Variants in MAPK8IP3 observed in about 807,000 individuals in gnomAD.
MAPK8IP3 encodes the protein C-Jun-amino-terminal kinase-interacting protein 3.
Under a neutral mutation model 157.8 loss-of-function variants are expected in MAPK8IP3, and 49 were observed. The observed-to-expected ratio is 0.31, with a 90% CI of 0.25 to 0.39. The LOEUF (loss-of-function observed/expected upper bound fraction) is 0.39, where lower values mean the gene tolerates loss of function less well. Ranked by LOEUF, MAPK8IP3 falls within the 10% of genes least tolerant of loss-of-function variation. The pLI is 1.00. For missense variants in MAPK8IP3, 1,478 were observed against 1,889.4 expected (o/e 0.78, Z 4.04); for synonymous variants, 897 against 777.7 (o/e 1.15, Z -2.55).
rs764707061 is a variant in MAPK8IP3 at position 1,706,384 on chromosome 16, C to T, written c.45C>T (p.Tyr15=). 9.3e-6 allele frequency: 15 copies of T among 1,611,744 alleles called. No homozygotes were observed. In the East Asian group the frequency reaches 1.8e-4, roughly 19 times the overall value. Reference sequence around the variant, plus strand: ...ACGAGGGCGGCGGCGTGGTGGTGTACCAGGACGACTACTGCTCCGGCTCGG... The same window carrying T: ...ACGAGGGCGGCGGCGTGGTGGTGTATCAGGACGACTACTGCTCCGGCTCGG... ...QMDEGGGVVV[Y]QDDYCSGSVM... is the part of the protein sequence containing the mutation. Residue 15 remains tyrosine (Y), a synonymous_variant, in exon 1 of 32, where the codon TAC becomes TAT. Transcript: ENST00000610761. This position sits in a 1 kb window ranked among gnomAD's most constrained non-coding sequence, Gnocchi z 5.1.
chr16:1,767,458 G>C, intron 26 of MAPK8IP3, 106 bp from the exon 27 acceptor site: 1 of 1,505,614 alleles, frequency 6.6e-7, no homozygotes, highest in Non-Finnish European at 9.0e-7. Context: ...GCGCTGGCTG[G>C]GAGGTCTGAG....
chr16:1,714,315 A>G (rs993347607), intron 1 of MAPK8IP3: 1 of 146,260 alleles, frequency 6.8e-6, no homozygotes, highest in Non-Finnish European at 1.5e-5. Flanking sequence ...AGTGAAACCC[A>G]GAGACTAGAA....
At position 1,766,641 on chromosome 16, in the gene MAPK8IP3, A is replaced by AC; in HGVS notation, c.2932_2933insC (p.Asn978ThrfsTer52). ...ACCCACCATGTGGCTGGGAGCCCAG[A>AC]ACGGCTGGTAGGAAGGGCCCGGGGC... On this transcript the variant is annotated frameshift_variant, in exon 23 of 32. Transcript: ENST00000610761. LOFTEE classifies it high-confidence loss of function. 1 of 1,612,316 alleles carries AC rather than the reference A, an allele frequency of 6.2e-7. No individual in the cohort carries two copies. The highest frequency in any genetic ancestry group is 8.5e-7 in the Non-Finnish European group (1 of 1,179,800).
At chr16:1,727,057 ATGAG>A (rs1301134927) in intron 2 of MAPK8IP3, among the ~76,000 whole-genome samples, 1 of 125,396 alleles carries the variant, frequency 8.0e-6, no homozygotes, top group Non-Finnish European at 1.7e-5. Context: ...TGTGCTGTGT[ATGAG>A]TGTTGTGTGC....
In MAPK8IP3 at chr16:1,762,565, C is replaced by T. The variant is rs1333647638; in HGVS notation, c.1670+84C>T. 22 of 1,579,404 alleles carry T rather than the reference C, an allele frequency of 1.4e-5. No homozygotes were observed. The East Asian group carries it at 2.9e-4, about 21-fold the overall frequency. On this transcript the variant is annotated intron_variant, in intron 14 of 31. Transcript: ENST00000610761. ...GGCTCCCTCCTCTGCACCTCCCTGT[C>T]TTCTGGGGGGACTGAAGTGCGCTGG... is the stretch of plus-strand genomic sequence containing the variant.
chr16:1,733,124 G>A (rs1203015878), intron 4 of MAPK8IP3, among the ~76,000 whole-genome samples: 2 of 152,204 alleles, frequency 1.3e-5, no homozygotes, highest in Non-Finnish European at 2.9e-5. Flanking sequence ...GCTGGGGGCA[G>A]AGGCAGGCAG....
rs2042394983 is a variant in MAPK8IP3, at chr16:1,768,248, C to T, written c.3612C>T (p.Ile1204=). 3.1e-6 allele frequency: 5 copies of T among 1,612,316 alleles called. No homozygotes were observed. Among genetic ancestry groups the T allele is most frequent in the African/African-American group, 1.3e-5 (1 of 74,938 alleles). The change falls in exon 30 of 32, where the codon ATC becomes ATT. Residue 1204 remains isoleucine (I), a synonymous_variant. Coordinates refer to ENST00000610761, the MANE Select transcript of MAPK8IP3 (RefSeq NM_001318852.2). ...GGGAGGGCGCCCGTCCCGGGGGCAT[C>T]ATCCACGTGTATGGCGATGACAGCA... is the stretch of plus-strand genomic sequence containing the variant. The part of the protein sequence containing the change: ...TSGEGARPGG[I]IHVYGDDSSD...
intron 1 of MAPK8IP3, among the ~76,000 whole-genome samples, chr16:1,712,222 C>T (rs545937344): frequency 4.0e-5 from 6 of 151,748 alleles, no homozygotes; most frequent in Non-Finnish European, 5.9e-5. Context: ...CCAACACGCC[C>T]GGCTAATTTT....
Position 1,743,749 on chromosome 16 carries a change from G to T in MAPK8IP3, c.747+273G>T, listed in dbSNP as rs1325404317. The T allele has an allele frequency of 3.7e-6, 5 of 1,341,122 alleles. No homozygotes were observed. The African/African-American group carries it at 6.1e-5, about 16-fold the overall frequency. 83.1% of individuals were successfully genotyped at this position (1,341,122 alleles called of 1,614,324 possible). On this transcript the variant is annotated intron_variant, in intron 5 of 31. Coordinates refer to ENST00000610761, the MANE Select transcript of MAPK8IP3 (RefSeq NM_001318852.2). The surrounding 1 kb of genome is among the most constrained non-coding windows in gnomAD (Gnocchi z 5.6). ...TCCCTGCCCTTGGATAGACCGCTCT[G>T]TAGCCAGGGGTGTACAGTGCCTGTC...
At chr16:1,734,688 T>G (rs1172110773) in intron 4 of MAPK8IP3, among the ~76,000 whole-genome samples, 1 of 152,210 alleles carries the variant, frequency 6.6e-6, no homozygotes. Context: ...GGACACCTGC[T>G]CTCTCTTCTC....
At chr16:1,758,566 G>C (rs115881810) in intron 9 of MAPK8IP3, among the ~76,000 whole-genome samples, 2 of 152,118 alleles carry the variant, frequency 1.3e-5, no homozygotes, top group Non-Finnish European at 2.9e-5. Context: ...TGGACAGGCC[G>C]AGTCCTGCTC....
chr16:1,735,730 T>C (rs1347616339), intron 4 of MAPK8IP3, among the ~76,000 whole-genome samples: 13 of 128,644 alleles, frequency 1.0e-4, no homozygotes, highest in African/African-American at 3.4e-4. Flanking sequence ...TGACCGTCCA[T>C]GTGAGAGTGT....
At chr16:1,761,140 G>A (rs2141921535) in intron 12 of MAPK8IP3, 84 bp from the exon 13 acceptor site, 12 of 1,081,846 alleles carry the variant, frequency 1.1e-5, no homozygotes, top group Non-Finnish European at 1.7e-5. Context: ...CAAGGACACA[G>A]GTTCGGGGCG....
At position 1,768,700 on chromosome 16, in the gene MAPK8IP3, C is replaced by A; in HGVS notation, c.3893-3C>A. 6.2e-7 allele frequency: 1 copy of A among 1,612,022 alleles called. No individual in the cohort carries two copies. Among genetic ancestry groups the A allele is most frequent in the Non-Finnish European group, 8.5e-7 (1 of 1,179,402 alleles). On this transcript the variant is annotated splice_polypyrimidine_tract_variant and splice_region_variant and intron_variant, in intron 31 of 31. Coordinates refer to ENST00000610761, the MANE Select transcript of MAPK8IP3 (RefSeq NM_001318852.2). ...GGCCGTCACTCTGCTGCTTTGCCCGCAGGAGACGGAGAGGACGACGAGACG... is the reference window on the plus strand; with the variant it reads ...GGCCGTCACTCTGCTGCTTTGCCCGAAGGAGACGGAGAGGACGACGAGACG...
chr16:1,729,425 G>A (rs185099165), intron 3 of MAPK8IP3, 62 bp from the exon 4 acceptor site: 4 of 1,497,218 alleles, frequency 2.7e-6, no homozygotes, highest in Non-Finnish European at 3.7e-6. Context: ...AGCCTCACAG[G>A]TTAGAGGGGA....
At chr16:1,750,890 C>G (rs977042206) in intron 8 of MAPK8IP3, among the ~76,000 whole-genome samples, 2 of 152,050 alleles carry the variant, frequency 1.3e-5, no homozygotes, top group South Asian at 4.1e-4. Context: ...GTGATCCACC[C>G]GCCTCGGCCT....
chr16:1,711,815 C>T (rs1223537461), intron 1 of MAPK8IP3, among the ~76,000 whole-genome samples: 1 of 151,838 alleles, frequency 6.6e-6, no homozygotes, highest in Non-Finnish European at 1.5e-5. Context: ...TGATGCACAC[C>T]TGTACTCCCA....
rs756737397 is a variant in MAPK8IP3, at chr16:1,768,725, G to A, written c.3915G>A (p.Thr1305=). Residue 1305 remains threonine (T), a synonymous_variant, in exon 32 of 32, where the codon ACG becomes ACA. Coordinates refer to ENST00000610761, the MANE Select transcript of MAPK8IP3 (RefSeq NM_001318852.2). ...FRIGDGEDDE[T]EEGAGDMSQV... ...CAGGAGACGGAGAGGACGACGAGAC[G>A]GAGGAGGGCGCAGGGGACATGAGCC... 9.3e-6 allele frequency: 15 copies of A among 1,612,602 alleles called. No homozygotes were observed. Among genetic ancestry groups the A allele is most frequent in the Middle Eastern group, 1.7e-4 (1 of 6,044 alleles).
At chr16:1,725,728 G>T (rs528080283) in intron 2 of MAPK8IP3, among the ~76,000 whole-genome samples, 1 of 151,928 alleles carries the variant, frequency 6.6e-6, no homozygotes, top group Non-Finnish European at 1.5e-5. Flanking sequence ...ACAGAGTTTC[G>T]CTGTTTTTGC....
Sources: allele counts gnomAD v4.1 joint callset (sites outside exome capture counted in the v4.1 genomes callset), GRCh38; gene constraint gnomAD v4.1.1; non-coding constraint Gnocchi (gnomAD v3.1); transcripts MANE v1.5; gene names NCBI Gene and HGNC (gene_info 2026-07-23, HGNC 2026-07-21).